The following CHLSN variants were observed in gnomAD, a reference collection of about 807,000 sequenced individuals.
CHLSN encodes protein cholesin.
the CHLSN span, among the ~76,000 whole-genome samples, chr7:1,052,998 G>A: frequency 1.3e-5 from 2 of 152,204 alleles, no homozygotes; most frequent in Admixed American, 6.5e-5. The surrounding 1 kb of genome is among the most constrained non-coding windows in gnomAD (Gnocchi z 4.2). Context: ...CTGGCTCCCC[G>A]TTCCTCTTTC....
the CHLSN span, among the ~76,000 whole-genome samples, chr7:1,009,458 C>G: frequency 4.5e-4 from 69 of 152,028 alleles, no homozygotes; most frequent in African/African-American, 1.6e-3. Context: ...CACCCAGCCA[C>G]GCCGCAGGCA....
chr7:1,086,090 G>A, the CHLSN span, among the ~76,000 whole-genome samples: 15 of 152,238 alleles, frequency 9.9e-5, no homozygotes, highest in Non-Finnish European at 2.2e-4. Context: ...AGGAAATCTA[G>A]GAGTATCGGC....
At chr7:1,025,824 CCA>C in the CHLSN span, 2 of 152,358 alleles carry the variant, frequency 1.3e-5, no homozygotes, top group Non-Finnish European at 2.9e-5. Flanking sequence ...CCCTGGGCCT[CCA>C]GAGGCAGGCT....
chr7:1,066,218 C>A, the CHLSN span, among the ~76,000 whole-genome samples: 2 of 152,224 alleles, frequency 1.3e-5, no homozygotes, highest in African/African-American at 4.8e-5. Flanking sequence ...CCAGAATTTC[C>A]CCAGGCCCAC....
At chr7:994,762 T>C in the CHLSN span, among the ~76,000 whole-genome samples, 2 of 152,192 alleles carry the variant, frequency 1.3e-5, no homozygotes, top group Non-Finnish European at 2.9e-5. Flanking sequence ...TGTGGCTTGG[T>C]GTTTCTGACA....
At chr7:1,021,555 G>A in the CHLSN span, 1 of 985,310 alleles carries the variant, frequency 1.0e-6, no homozygotes, top group Non-Finnish European at 1.2e-6. Context: ...CAGGAGTAGG[G>A]CTTCAGCAGC....
chr7:1,103,534 T>C, the CHLSN span, among the ~76,000 whole-genome samples: 1 of 152,244 alleles, frequency 6.6e-6, no homozygotes, highest in East Asian at 1.9e-4. Flanking sequence ...AGTTCAACTG[T>C]ATCAGGAGAC....
chr7:1,122,397 G>A, the CHLSN span, among the ~76,000 whole-genome samples: 3 of 152,202 alleles, frequency 2.0e-5, no homozygotes, highest in Non-Finnish European at 2.9e-5. Flanking sequence ...GTCATCACAG[G>A]GGCCTCCACA....
chr7:1,061,807 C>G, the CHLSN span, among the ~76,000 whole-genome samples: 1 of 146,702 alleles, frequency 6.8e-6, no homozygotes, highest in African/African-American at 2.8e-5. Context: ...GCCATCTCCC[C>G]GACTCCCCAA....
chr7:1,016,925 C>T, the CHLSN span, among the ~76,000 whole-genome samples: 6 of 130,112 alleles, frequency 4.6e-5, no homozygotes, highest in African/African-American at 9.0e-5. Context: ...CACAGCAGCA[C>T]ACAGCAGCAC....
the CHLSN span, among the ~76,000 whole-genome samples, chr7:1,101,211 C>G: frequency 2.0e-5 from 3 of 152,284 alleles, no homozygotes; most frequent in Admixed American, 2.0e-4. Flanking sequence ...TGCGGTTGGT[C>G]TGTCTGATTT....
At chr7:1,113,724 C>T in the CHLSN span, among the ~76,000 whole-genome samples, 4 of 152,186 alleles carry the variant, frequency 2.6e-5, no homozygotes, top group Admixed American at 6.5e-5. Flanking sequence ...ACTGATTTTC[C>T]GACAGCGTGC....
At chr7:991,538 C>A in the CHLSN span, among the ~76,000 whole-genome samples, 1,989 of 152,318 alleles carry the variant, frequency 0.013, 25 homozygotes, top group Non-Finnish European at 0.022. Flanking sequence ...CCTTCTCGAC[C>A]GGGCAGACCT....
chr7:1,008,868 CGT>C, the CHLSN span, among the ~76,000 whole-genome samples: 15 of 149,640 alleles, frequency 1.0e-4, no homozygotes, highest in African/African-American at 3.8e-4. Flanking sequence ...CACGCACACA[CGT>C]GTACGCAACA....
At chr7:1,073,851 T>C in the CHLSN span, among the ~76,000 whole-genome samples, 2 of 27,516 alleles carry the variant, frequency 7.3e-5, no homozygotes, top group Non-Finnish European at 1.3e-4. Flanking sequence ...CCCCCAACCC[T>C]GCACCCCGCT....
At chr7:1,115,703 C>G in the CHLSN span, among the ~76,000 whole-genome samples, 1 of 126,178 alleles carries the variant, frequency 7.9e-6, no homozygotes, top group Non-Finnish European at 1.7e-5. Flanking sequence ...AGGATGACTT[C>G]ACTACAGCTC....
At chr7:1,129,882 A>G in the CHLSN span, among the ~76,000 whole-genome samples, 1 of 152,240 alleles carries the variant, frequency 6.6e-6, no homozygotes, top group Admixed American at 6.5e-5. Flanking sequence ...CATTATCATA[A>G]TTTCCCAAAG....
chr7:1,048,223 C>T, the CHLSN span, among the ~76,000 whole-genome samples: 1 of 152,192 alleles, frequency 6.6e-6, no homozygotes, highest in Admixed American at 6.5e-5. Flanking sequence ...CACCCGGAAA[C>T]TTCGTGGGGA....
chr7:1,008,268 G>A, the CHLSN span, among the ~76,000 whole-genome samples: 1 of 152,190 alleles, frequency 6.6e-6, no homozygotes, highest in Non-Finnish European at 1.5e-5. Context: ...CTGGGCTCGA[G>A]ACGCTGCACT....
Sources: allele counts gnomAD v4.1 joint callset (sites outside exome capture counted in the v4.1 genomes callset), GRCh38; gene constraint gnomAD v4.1.1; non-coding constraint Gnocchi (gnomAD v3.1); transcripts MANE v1.5; gene names NCBI Gene and HGNC (gene_info 2026-07-23, HGNC 2026-07-21).